Variants in NBPF15 observed in about 807,000 individuals in gnomAD.
The protein encoded by NBPF15 is NBPF member 15.
In NBPF15, 74 loss-of-function variants were observed where a neutral mutation model predicts 62.2. The observed-to-expected ratio is 1.19, with a 90% CI of 0.99 to 1.44. The LOEUF is 1.44. NBPF15 is among the 40% of genes most tolerant of loss of function. NBPF15 has a pLI of 0.00. For missense variants in NBPF15, 790 were observed against 550.0 expected (o/e 1.44, Z -4.36); for synonymous variants, 244 against 209.7 (o/e 1.16, Z -1.41).
At chr1:144,453,832 T>C (rs1692775568) in intron 4 of NBPF15, among the ~76,000 whole-genome samples, 1 of 136,296 alleles carries the variant, frequency 7.3e-6, no homozygotes, top group Non-Finnish European at 1.5e-5. Context: ...CCAAATGCTG[T>C]CAAAGATGAG....
chr1:144,431,738 C>T (rs1420891174), intron 13 of NBPF15, among the ~76,000 whole-genome samples: 4 of 128,646 alleles, frequency 3.1e-5, no homozygotes, highest in East Asian at 4.5e-4. Flanking sequence ...TAAGAACATG[C>T]GGTATTTGGT....
chr1:144,449,521 A>G (rs1431696324), intron 5 of NBPF15, among the ~76,000 whole-genome samples: 1 of 151,710 alleles, frequency 6.6e-6, no homozygotes, highest in African/African-American at 2.4e-5. Context: ...CTTTTGACAC[A>G]CAAAACAACA....
chr1:144,435,390 G>A, intron 11 of NBPF15, 74 bp from the exon 12 acceptor site: 2 of 1,407,810 alleles, frequency 1.4e-6, no homozygotes, highest in Non-Finnish European at 2.0e-6. Flanking sequence ...GTCCTAGCTG[G>A]TTTTGACAGG....
intron 3 of NBPF15, among the ~76,000 whole-genome samples, chr1:144,457,450 C>T (rs1648870610): frequency 1.3e-5 from 2 of 151,932 alleles, no homozygotes; most frequent in Admixed American, 1.3e-4. Context: ...ATTGACATTT[C>T]CTTTTATGTC....
At chr1:144,457,884 GTT>G (rs1649295733) in intron 3 of NBPF15, among the ~76,000 whole-genome samples, 1 of 151,952 alleles carries the variant, frequency 6.6e-6, no homozygotes, top group African/African-American at 2.4e-5. Flanking sequence ...GAGCCCAGGA[GTT>G]TGAAACCAGT....
Position 144,440,092 on chromosome 1 carries a change from A to C in NBPF15, c.-36+49T>G, listed in dbSNP as rs1440024591. On this transcript the variant is annotated intron_variant, in intron 7 of 21. Coordinates refer to ENST00000581897, the MANE Select transcript of NBPF15 (RefSeq NM_001385408.1). ...GGGTTAAAAACTGGTGAAATCAAAT[A>C]GGTTTAATCAGGACTGAGGGATGTA... 2.4e-4 allele frequency: 384 copies of C among 1,575,294 alleles called. 3 individuals carry two copies. The East Asian group carries it at 2.7e-3, about 11-fold the overall frequency.
chr1:144,444,523 G>A (rs1268433498), intron 6 of NBPF15, among the ~76,000 whole-genome samples: 3 of 151,548 alleles, frequency 2.0e-5, no homozygotes, highest in African/African-American at 7.3e-5. Context: ...ACAAGATAAG[G>A]GCCCCCAGCA....
At chr1:144,453,662 A>AAAAAAAAAAAAAAAG (rs1165682772) in intron 4 of NBPF15, among the ~76,000 whole-genome samples, 2 of 86,784 alleles carry the variant, frequency 2.3e-5, no homozygotes, top group African/African-American at 3.9e-5. Flanking sequence ...AAAAAAAAAA[A>AAAAAAAAAAAAAAAG]GTGAAACATC....
At chr1:144,428,059 T>G in intron 15 of NBPF15, 69 bp from the exon 16 acceptor site, 1 of 785,978 alleles carries the variant, frequency 1.3e-6, no homozygotes, top group Non-Finnish European at 2.3e-6. Context: ...CAGCTAGATT[T>G]CATGGCTAAC....
chr1:144,442,219 A>ACACGTG (rs1683870846), intron 6 of NBPF15, among the ~76,000 whole-genome samples: 5 of 105,610 alleles, frequency 4.7e-5, no homozygotes, highest in African/African-American at 2.3e-4. Context: ...AATATATATA[A>ACACGTG]TATATATATT....
intron 6 of NBPF15, among the ~76,000 whole-genome samples, chr1:144,447,977 C>T (rs1194920474): frequency 6.6e-6 from 1 of 152,092 alleles, no homozygotes; most frequent in Non-Finnish European, 1.5e-5. Context: ...GCATCAGCCA[C>T]TGTCGGCTGC....
At chr1:144,439,382 C>G (rs1681149689) in intron 8 of NBPF15, among the ~76,000 whole-genome samples, 1 of 152,060 alleles carries the variant, frequency 6.6e-6, no homozygotes, top group African/African-American at 2.4e-5. Flanking sequence ...GCTACTATCA[C>G]CAAGTTTCCC....
intron 3 of NBPF15, among the ~76,000 whole-genome samples, chr1:144,458,515 T>C (rs1252553064): frequency 1.3e-5 from 2 of 150,710 alleles, no homozygotes; most frequent in African/African-American, 2.4e-5. Flanking sequence ...CTCTATGCAC[T>C]TATTTTTTAA....
At chr1:144,429,100 T>C (rs1325256206) in intron 14 of NBPF15, among the ~76,000 whole-genome samples, 1 of 151,936 alleles carries the variant, frequency 6.6e-6, no homozygotes, top group African/African-American at 2.4e-5. Flanking sequence ...AACTTGGTTC[T>C]ACACAGAAGC....
At chr1:144,437,746 G>T (rs1340004342) in intron 9 of NBPF15, among the ~76,000 whole-genome samples, 199 bp downstream of exon 9, 2 of 151,714 alleles carry the variant, frequency 1.3e-5, no homozygotes, top group African/African-American at 2.4e-5. Flanking sequence ...AGAAAACAAG[G>T]CTCTGAGAAA....
chr1:144,427,741 G>T, intron 16 of NBPF15, 77 bp downstream of exon 16: 2 of 603,140 alleles, frequency 3.3e-6, no homozygotes, highest in Non-Finnish European at 5.9e-6. Flanking sequence ...AGCTCAGTAA[G>T]GGCCACTTGC....
intron 9 of NBPF15, 134 bp from the exon 10 acceptor site, chr1:144,437,243 T>A (rs1679189554): frequency 2.2e-6 from 2 of 903,994 alleles, no homozygotes; most frequent in East Asian, 2.4e-5. Flanking sequence ...TTTAAAGGAA[T>A]GTCTGTGGCC....
At position 144,437,410 on chromosome 1, in the gene NBPF15, C is replaced by A. The variant is rs1432264020; in HGVS notation, c.279-301G>T. ...AAAGACATCCTTTCAGTTCCTCACT[C>A]TGGCCATGGACATTTCCATGTGAAA... On this transcript the variant is annotated intron_variant, in intron 9 of 21. Coordinates refer to ENST00000581897, the MANE Select transcript of NBPF15 (RefSeq NM_001385408.1). 2.0e-5 allele frequency among the ~76,000 whole-genome samples: 3 copies of A among 147,564 alleles called. No homozygotes were observed. In the East Asian group the frequency reaches 6.0e-4, roughly 30 times the overall value.
chr1:144,448,743 T>A, intron 6 of NBPF15, 32 bp downstream of exon 6: 1 of 252,468 alleles, frequency 4.0e-6, no homozygotes, highest in South Asian at 7.4e-5. Flanking sequence ...TGGTAGCATC[T>A]TTCACAAAGC....
Sources: allele counts gnomAD v4.1 joint callset (sites outside exome capture counted in the v4.1 genomes callset), GRCh38; gene constraint gnomAD v4.1.1; transcripts MANE v1.5; gene names NCBI Gene and HGNC (gene_info 2026-07-23, HGNC 2026-07-21).